TENM3: variants seen among roughly 807,000 people sequenced by gnomAD.
The protein encoded by TENM3 is teneurin transmembrane protein 3.
Under a neutral mutation model 255.1 loss-of-function variants are expected in TENM3, and 63 were observed. That is an observed-to-expected ratio of 0.25 (90% CI 0.20 to 0.30). TENM3 has a LOEUF of 0.30. TENM3 is among the 10% of genes least tolerant of loss of function. TENM3 has a pLI of 1.00. For synonymous variants in TENM3, 1,306 were observed against 1,322.3 expected (o/e 0.99, Z 0.27); for missense variants, 2,929 against 3,461.1 (o/e 0.85, Z 3.86).
At chr4:181,707,746 T>C in the TENM3 span, among the ~76,000 whole-genome samples, 1 of 152,222 alleles carries the variant, frequency 6.6e-6, no homozygotes, top group Admixed American at 6.5e-5. Context: ...ACTATGTGCC[T>C]GTTTTGAATC....
chr4:181,763,334 G>A, the TENM3 span, among the ~76,000 whole-genome samples: 1 of 152,028 alleles, frequency 6.6e-6, no homozygotes, highest in Non-Finnish European at 1.5e-5. Context: ...TTTGTCTTCA[G>A]TACAATTAGC....
chr4:182,725,626 TC>T (rs1760100166), intron 13 of TENM3, among the ~76,000 whole-genome samples: 1 of 8,104 alleles, frequency 1.2e-4, no homozygotes, highest in African/African-American at 4.7e-4. Context: ...GATTTTCTTT[TC>T]TTTTTTTTCT....
chr4:182,449,372 G>A (rs1302165553), intron 3 of TENM3, among the ~76,000 whole-genome samples: 1 of 152,194 alleles, frequency 6.6e-6, no homozygotes, highest in East Asian at 1.9e-4. Flanking sequence ...AGAGATGGAG[G>A]CTGAACTTTC....
chr4:181,902,535 A>G, the TENM3 span, among the ~76,000 whole-genome samples: 3 of 152,320 alleles, frequency 2.0e-5, no homozygotes, highest in East Asian at 1.9e-4. Flanking sequence ...ATGCCCATCA[A>G]TGATAGACTG....
In TENM3 at chr4:182,547,474, GT is replaced by G. The variant is rs1741558944; in HGVS notation, c.512-53445del. On this transcript the variant is annotated intron_variant, in intron 3 of 27. Transcript: ENST00000511685. ...TCCTAGCCCATATTTTAATTTTTTA[GT>G]TTTTCCCTTTGTTTTCTTTCATGTC... Among the ~76,000 whole-genome samples, 6 of 152,150 alleles carry G rather than the reference GT, an allele frequency of 3.9e-5. No individual in the cohort carries two copies. The South Asian group carries it at 1.2e-3, about 32-fold the overall frequency.
the TENM3 span, among the ~76,000 whole-genome samples, chr4:181,808,364 T>C: frequency 1.3e-5 from 2 of 152,198 alleles, no homozygotes; most frequent in Non-Finnish European, 1.5e-5. Flanking sequence ...TGCTGCCAAA[T>C]AGTTTGATGA....
the TENM3 span, among the ~76,000 whole-genome samples, chr4:181,561,863 G>A: frequency 7.9e-5 from 12 of 152,308 alleles, no homozygotes; most frequent in East Asian, 2.1e-3. Flanking sequence ...TTTGATACAT[G>A]TTTTCGGATA....
chr4:182,006,362 T>C, the TENM3 span, among the ~76,000 whole-genome samples: 3 of 152,168 alleles, frequency 2.0e-5, no homozygotes, highest in East Asian at 5.8e-4. Flanking sequence ...GGTCCTGGGC[T>C]TTTTTGGTTG....
the TENM3 span, among the ~76,000 whole-genome samples, chr4:181,740,604 A>C: frequency 5.9e-5 from 9 of 152,170 alleles, no homozygotes; most frequent in Admixed American, 5.9e-4. Context: ...AAAGGAAAAA[A>C]TACCAAACAA....
intron 1 of TENM3, among the ~76,000 whole-genome samples, chr4:182,244,211 C>T (rs927367977): frequency 2.0e-5 from 3 of 152,112 alleles, no homozygotes; most frequent in African/African-American, 7.2e-5. Flanking sequence ...CCTCGGCCTC[C>T]CAAAGTGCTG....
At chr4:182,429,747 T>C (rs74850148) in intron 3 of TENM3, among the ~76,000 whole-genome samples, 4,864 of 152,242 alleles carry the variant, frequency 0.032, 127 homozygotes, top group East Asian at 0.1. Context: ...CAAATTTGGT[T>C]CAGGTACCAA....
At chr4:182,523,181 GGTT>G in intron 3 of TENM3, among the ~76,000 whole-genome samples, 1 of 150,818 alleles carries the variant, frequency 6.6e-6, no homozygotes, top group Non-Finnish European at 1.5e-5. Flanking sequence ...GTGTGTGTGT[GGTT>G]TTGTTGTTGT....
chr4:182,621,729 AAATATATAATATATAATATATTAT>A (rs1750237820), intron 4 of TENM3, among the ~76,000 whole-genome samples: 3 of 83,896 alleles, frequency 3.6e-5, no homozygotes, highest in African/African-American at 4.8e-5. Context: ...ATTATATATA[AAATATATAATATATAATATATTAT>A]AATATATAAT....
At chr4:182,550,856 A>G (rs1741928487) in intron 3 of TENM3, among the ~76,000 whole-genome samples, 1 of 152,182 alleles carries the variant, frequency 6.6e-6, no homozygotes, top group Non-Finnish European at 1.5e-5. Context: ...GTTATTTTCA[A>G]CTTCTACCAA....
intron 1 of TENM3, among the ~76,000 whole-genome samples, chr4:182,211,195 A>T (rs940419617): frequency 1.3e-5 from 2 of 152,258 alleles, no homozygotes; most frequent in Non-Finnish European, 2.9e-5. Context: ...GAGTAAAGGT[A>T]GTATTCATAA....
chr4:181,889,005 C>T, the TENM3 span, among the ~76,000 whole-genome samples: 6 of 151,932 alleles, frequency 3.9e-5, no homozygotes, highest in South Asian at 2.1e-4. Flanking sequence ...TCCCCTCAAA[C>T]GCACCAAGGA....
chr4:181,579,015 C>T, the TENM3 span, among the ~76,000 whole-genome samples: 20 of 152,190 alleles, frequency 1.3e-4, no homozygotes, highest in South Asian at 3.3e-3. Context: ...TGTGAGACAG[C>T]GCTCATGAGA....
Position 182,372,087 on chromosome 4 carries a change from A to AG in TENM3, c.511+25158_511+25159insG. Among the ~76,000 whole-genome samples, 3 of 152,334 alleles carry AG rather than the reference A, an allele frequency of 2.0e-5. No homozygotes were observed. In the South Asian group the frequency reaches 6.2e-4, roughly 32 times the overall value. ...ATTATGCAAACTCTCATTAACAAAA[A>AG]TAACTTGCTATACATTGCAAATATA... On this transcript the variant is annotated intron_variant, in intron 3 of 27. Coordinates refer to ENST00000511685, the MANE Select transcript of TENM3 (RefSeq NM_001080477.4).
intron 1 of TENM3, among the ~76,000 whole-genome samples, chr4:182,161,650 T>TACAA (rs1751210971): frequency 9.3e-6 from 1 of 107,706 alleles, no homozygotes; most frequent in Non-Finnish European, 1.8e-5. Flanking sequence ...TATATATATA[T>TACAA]ATACACACAC....
Sources: gnomAD v4.1 joint callset for allele counts (sites outside exome capture counted in the v4.1 genomes callset) on GRCh38, gnomAD v4.1.1 for gene constraint, MANE v1.5 for transcripts, NCBI Gene and HGNC (gene_info 2026-07-23, HGNC 2026-07-21) for gene names.